HYCC2: variants seen among roughly 807,000 people sequenced by gnomAD.
HYCC2 encodes the protein hyccin 2.
At chr2:201,037,229 A>G in the HYCC2 span, among the ~76,000 whole-genome samples, 1 of 152,354 alleles carries the variant, frequency 6.6e-6, no homozygotes, top group African/African-American at 2.4e-5. Context: ...CCACTGCTCA[A>G]TGAAATAAAA....
At chr2:201,058,444 C>T in the HYCC2 span, among the ~76,000 whole-genome samples, 2 of 152,262 alleles carry the variant, frequency 1.3e-5, no homozygotes, top group African/African-American at 4.8e-5. Context: ...AGCACAGCGG[C>T]TCACGCCTGT....
the HYCC2 span, among the ~76,000 whole-genome samples, chr2:201,069,543 AACACACACACACACACACAC>A: frequency 0.013 from 1,833 of 143,730 alleles, 19 homozygotes; most frequent in Non-Finnish European, 0.019. Context: ...CATAAGAAGA[AACACACACACACACACACAC>A]ACACACACAC....
the HYCC2 span, chr2:201,063,727 T>C: frequency 6.3e-7 from 1 of 1,583,100 alleles, no homozygotes; most frequent in Non-Finnish European, 8.6e-7. Context: ...TCAGTGGGAA[T>C]GACAACTTTG....
the HYCC2 span, among the ~76,000 whole-genome samples, chr2:201,038,745 G>A: frequency 1.3e-5 from 2 of 152,078 alleles, no homozygotes; most frequent in Non-Finnish European, 2.9e-5. Context: ...GGCCTGTTGT[G>A]GGGTAGGGGG....
At chr2:200,999,665 C>T in the HYCC2 span, among the ~76,000 whole-genome samples, 1 of 150,108 alleles carries the variant, frequency 6.7e-6, no homozygotes, top group African/African-American at 2.4e-5. Context: ...GCTGGGATTA[C>T]AGGCGTGAGC....
the HYCC2 span, among the ~76,000 whole-genome samples, chr2:201,049,469 GC>G: frequency 6.6e-6 from 1 of 150,664 alleles, no homozygotes; most frequent in Admixed American, 6.6e-5. Context: ...TCCTGCCTCA[GC>G]CCCCCGAGTA....
At chr2:201,050,837 A>G in the HYCC2 span, among the ~76,000 whole-genome samples, 2 of 152,070 alleles carry the variant, frequency 1.3e-5, no homozygotes, top group African/African-American at 2.4e-5. Flanking sequence ...TGGGAGGCTG[A>G]GGCAGGAGAA....
chr2:201,009,215 A>G, the HYCC2 span: 3 of 521,310 alleles, frequency 5.8e-6, no homozygotes, highest in Non-Finnish European at 1.0e-5. Flanking sequence ...CTCATTCTTC[A>G]CGGAAAAGGT....
At chr2:200,981,252 TGAGG>T in the HYCC2 span, 16 of 1,607,956 alleles carry the variant, frequency 1.0e-5, no homozygotes, top group Non-Finnish European at 1.4e-5. This position sits in a 1 kb window ranked among gnomAD's most constrained non-coding sequence, Gnocchi z 4.5. Context: ...AGCAGAAAGA[TGAGG>T]GAGGATGTCA....
the HYCC2 span, among the ~76,000 whole-genome samples, chr2:201,034,153 AATC>A: frequency 6.6e-6 from 1 of 151,006 alleles, no homozygotes; most frequent in African/African-American, 2.5e-5. Context: ...TATTAATTAT[AATC>A]ATAACACATA....
At chr2:200,984,844 G>C in the HYCC2 span, among the ~76,000 whole-genome samples, 1 of 152,228 alleles carries the variant, frequency 6.6e-6, no homozygotes, top group Non-Finnish European at 1.5e-5. Context: ...GAATCTTAAG[G>C]AGGCTGGCTG....
At chr2:201,055,371 A>G in the HYCC2 span, among the ~76,000 whole-genome samples, 1 of 151,292 alleles carries the variant, frequency 6.6e-6, no homozygotes, top group African/African-American at 2.4e-5. Context: ...AACAAGAGCG[A>G]AATTCCATCT....
chr2:201,045,723 C>T, the HYCC2 span: 1 of 387,056 alleles, frequency 2.6e-6, no homozygotes, highest in Non-Finnish European at 4.6e-6. Context: ...AGATCCAAAA[C>T]ATTTCTGTAA....
At chr2:201,027,204 G>A in the HYCC2 span, among the ~76,000 whole-genome samples, 1 of 152,136 alleles carries the variant, frequency 6.6e-6, no homozygotes, top group African/African-American at 2.4e-5. Flanking sequence ...AAATAAACTA[G>A]AAAATCTAGA....
chr2:201,004,977 A>T, the HYCC2 span, among the ~76,000 whole-genome samples: 1 of 147,158 alleles, frequency 6.8e-6, no homozygotes, highest in Non-Finnish European at 1.5e-5. Flanking sequence ...AGATCGTGCC[A>T]CTGCACTCCA....
At chr2:201,002,880 C>T in the HYCC2 span, among the ~76,000 whole-genome samples, 2 of 152,240 alleles carry the variant, frequency 1.3e-5, no homozygotes, top group East Asian at 1.9e-4. Context: ...AGATACTTTT[C>T]GTGCTCTCAC....
chr2:201,069,061 G>A, the HYCC2 span, among the ~76,000 whole-genome samples: 2 of 152,246 alleles, frequency 1.3e-5, no homozygotes, highest in East Asian at 3.9e-4. Flanking sequence ...AACTAGTTTT[G>A]AAACTTCTGC....
At chr2:201,051,505 T>G in the HYCC2 span, among the ~76,000 whole-genome samples, 4 of 152,120 alleles carry the variant, frequency 2.6e-5, no homozygotes, top group African/African-American at 9.7e-5. Context: ...TCTAAGTTTC[T>G]GAATATAAGG....
the HYCC2 span, among the ~76,000 whole-genome samples, chr2:200,990,003 T>C: frequency 7.9e-5 from 12 of 152,176 alleles, no homozygotes; most frequent in South Asian, 1.7e-3. Flanking sequence ...GTTTCCTCTG[T>C]CCTGTCTAGA....
Sources: gnomAD v4.1 joint callset for allele counts (sites outside exome capture counted in the v4.1 genomes callset) on GRCh38, gnomAD v4.1.1 for gene constraint, Gnocchi (gnomAD v3.1) non-coding constraint, MANE v1.5 for transcripts, NCBI Gene and HGNC (gene_info 2026-07-23, HGNC 2026-07-21) for gene names.